The following PHYKPL variants were observed in gnomAD, a reference collection of about 807,000 sequenced individuals.
The protein encoded by PHYKPL is 5-phosphonooxy-L-lysine phospho-lyase.
A neutral mutation model predicts 51.3 loss-of-function variants in PHYKPL; 42 were observed. The ratio of observed to expected loss-of-function variants is 0.82; its 90% CI spans 0.64 to 1.06. PHYKPL has a LOEUF of 1.06. PHYKPL is among the 50% of genes least tolerant of loss of function. The pLI is 0.00. For missense variants in PHYKPL, 655 were observed against 586.6 expected (o/e 1.12, Z -1.20); for synonymous variants, 264 against 236.0 (o/e 1.12, Z -1.09).
intron 4 of PHYKPL, 58 bp from the exon 5 acceptor site, chr5:178,224,787 G>A (rs1561728501): frequency 7.2e-7 from 1 of 1,389,984 alleles, no homozygotes; most frequent in African/African-American, 1.4e-5. Context: ...CCCTGGCCCA[G>A]TCTGACCATC....
At chr5:178,231,830 C>T (rs1260753183) in intron 1 of PHYKPL, 5 of 1,362,530 alleles carry the variant, frequency 3.7e-6, no homozygotes, top group South Asian at 2.5e-5. Context: ...GAAAAGGTGG[C>T]TGCCCCGTCC....
At chr5:178,214,682 G>A in intron 10 of PHYKPL, 114 bp downstream of exon 10, 1 of 933,850 alleles carries the variant, frequency 1.1e-6, no homozygotes, top group Non-Finnish European at 1.7e-6. Context: ...TTTCAATCAA[G>A]TCTGTGGCCC....
chr5:178,207,790 C>A (rs1023736109), downstream of PHYKPL, among the ~76,000 whole-genome samples: 21 of 147,740 alleles, frequency 1.4e-4, no homozygotes, highest in South Asian at 2.1e-4. Flanking sequence ...GCAACCTTGA[C>A]CTCATGGGCG....
At chr5:178,220,810 A>C (rs1761029819) in intron 8 of PHYKPL, among the ~76,000 whole-genome samples, 1 of 152,238 alleles carries the variant, frequency 6.6e-6, no homozygotes. Context: ...ATTTATACAA[A>C]GATTATAAAG....
chr5:178,209,258 AGTGAAG>A, intron 12 of PHYKPL: 1 of 1,146,098 alleles, frequency 8.7e-7, no homozygotes, highest in Non-Finnish European at 1.3e-6. Context: ...TGTTTGTCGC[AGTGAAG>A]GTGTTTGGGC....
chr5:178,232,041 C>A, intron 1 of PHYKPL: 1 of 1,191,942 alleles, frequency 8.4e-7, no homozygotes, highest in Non-Finnish European at 1.1e-6. Flanking sequence ...AAGTGTGCTG[C>A]CTGTGAACCG....
At chr5:178,210,468 A>T in intron 12 of PHYKPL, 1 of 1,497,882 alleles carries the variant, frequency 6.7e-7, no homozygotes. Context: ...ACGGCTGGTG[A>T]GGGTCCTGGG....
chr5:178,215,426 C>T lies in PHYKPL; in HGVS notation c.932G>A (p.Gly311Glu), dbSNP rs1394998276. ...CACAGCGCAGGACACTGGGCTGCCC[C>T]CAAACTGAGCCAGGGACAAAGAACA... ...ATGVEYFNTF[G>E]GSPVSCAVGL... The change falls in exon 9 of 13, where the codon GGG becomes GAG. Residue 311 changes from glycine to glutamate, a missense_variant. Transcript: ENST00000308158. 6 of 1,608,998 alleles carry T rather than the reference C, an allele frequency of 3.7e-6. No homozygotes were observed. The highest frequency in any genetic ancestry group is 8.5e-7 in the Non-Finnish European group (1 of 1,177,320).
chr5:178,232,001 AC>A lies in PHYKPL; in HGVS notation c.60-479del, dbSNP rs1477482731. The A allele has an allele frequency of 8.3e-6, 10 of 1,201,236 alleles. No homozygotes were observed. The African/African-American group carries it at 1.6e-4, about 19-fold the overall frequency. The allele number at this position is 1,201,236 out of a possible 1,614,324, so 74.4% of individuals were successfully genotyped here. A position where few individuals can be genotyped will look rare whatever the true frequency, so the allele number is the denominator to read the frequency against. On this transcript the variant is annotated intron_variant, in intron 1 of 12. Coordinates refer to ENST00000308158, the MANE Select transcript of PHYKPL (RefSeq NM_153373.4). Reference sequence around the variant, plus strand: ...GCTCCAGTGGGAGGCGACCTCACCCACCGTCCCACCGAGGGCCCCCTCACAG... The same window carrying A: ...GCTCCAGTGGGAGGCGACCTCACCCACGTCCCACCGAGGGCCCCCTCACAG...
At chr5:178,222,270 G>T in intron 8 of PHYKPL, 85 bp downstream of exon 8, 2 of 1,232,576 alleles carry the variant, frequency 1.6e-6, no homozygotes, top group Non-Finnish European at 2.3e-6. Context: ...TGCTAGCCCT[G>T]TAGCCTTTGC....
chr5:178,223,174 A>C, intron 6 of PHYKPL: 1 of 506,982 alleles, frequency 2.0e-6, no homozygotes, highest in South Asian at 2.0e-5. Flanking sequence ...AACTACATGC[A>C]CTGATTTTTC....
At position 178,232,481 on chromosome 5, in the gene PHYKPL, C is replaced by CG. The variant is rs771888390; in HGVS notation, c.59+10dup. 1.2e-4 allele frequency: 166 copies of CG among 1,366,176 alleles called. No individual in the cohort carries two copies. In the African/African-American group the frequency reaches 2.4e-3, roughly 20 times the overall value. 84.6% of individuals were successfully genotyped at this position (1,366,176 alleles called of 1,614,324 possible). A position where few individuals can be genotyped will look rare whatever the true frequency, so the allele number is the denominator to read the frequency against. ...CCCGCGCCCCCCGCCGCCCGCCCCC[C>CG]GCCCGGGTACCTGATGAGCCGTTGC... is the stretch of plus-strand genomic sequence containing the variant. On this transcript the variant is annotated intron_variant, in intron 1 of 12. Transcript: ENST00000308158.
downstream of PHYKPL, chr5:178,207,210 T>C (rs1048637997): frequency 1.9e-6 from 3 of 1,614,060 alleles, no homozygotes; most frequent in Admixed American, 5.0e-5. Flanking sequence ...AGTTCCATAC[T>C]GTCAGTGGAA....
At chr5:178,229,257 C>T (rs984008191) in intron 3 of PHYKPL, among the ~76,000 whole-genome samples, 5 of 152,132 alleles carry the variant, frequency 3.3e-5, no homozygotes, top group Non-Finnish European at 7.4e-5. Context: ...AGGCACCCAC[C>T]ACCACGCCCA....
intron 1 of PHYKPL, chr5:178,232,170 GTCT>G (rs1763602480): frequency 3.3e-6 from 4 of 1,222,994 alleles, no homozygotes; most frequent in Admixed American, 3.9e-5. Context: ...CAGGGTGAAG[GTCT>G]TCTCCGGAGT....
At chr5:178,212,301 G>A (rs766936319) in intron 11 of PHYKPL, among the ~76,000 whole-genome samples, 3 of 152,210 alleles carry the variant, frequency 2.0e-5, no homozygotes, top group Non-Finnish European at 4.4e-5. Flanking sequence ...CAGAGCCCTG[G>A]GATTAAGCAT....
chr5:178,224,797 C>T (rs528795987), intron 4 of PHYKPL, 68 bp from the exon 5 acceptor site: 54 of 1,261,670 alleles, frequency 4.3e-5, no homozygotes, highest in Admixed American at 1.8e-4. Context: ...GTCTGACCAT[C>T]GTCTCCCCAC....
At chr5:178,212,388 G>A (rs1758724993) in intron 11 of PHYKPL, among the ~76,000 whole-genome samples, 1 of 152,250 alleles carries the variant, frequency 6.6e-6, no homozygotes, top group Admixed American at 6.5e-5. Context: ...TCTACTGTGA[G>A]ATGCAACTGT....
chr5:178,211,856 G>C (rs1758548807), intron 12 of PHYKPL, 34 bp downstream of exon 12: 4 of 1,501,084 alleles, frequency 2.7e-6, no homozygotes, highest in Non-Finnish European at 3.7e-6. Context: ...AACCCGCTGT[G>C]CATCTTCAAG....
Sources: gnomAD v4.1 joint callset for allele counts (sites outside exome capture counted in the v4.1 genomes callset) on GRCh38, gnomAD v4.1.1 for gene constraint, MANE v1.5 for transcripts, NCBI Gene and HGNC (gene_info 2026-07-23, HGNC 2026-07-21) for gene names.